The following STAC3 variants were observed in gnomAD, a reference collection of about 807,000 sequenced individuals.
STAC3 encodes the protein SH3 and cysteine rich domain 3, also known as SH3 and cysteine-rich domain-containing protein 3.
In STAC3, 30 loss-of-function variants were observed where a neutral mutation model predicts 48.5. The observed-to-expected ratio is 0.62, with a 90% CI of 0.46 to 0.84. The LOEUF (loss-of-function observed/expected upper bound fraction) is 0.84. Among genes scored for constraint, STAC3 ranks in the 40% least tolerant of loss-of-function variants. The pLI, the probability that STAC3 is intolerant of heterozygous loss-of-function variation, is 0.00. For missense variants in STAC3, 419 were observed against 462.6 expected (o/e 0.91, Z 0.86); for synonymous variants, 144 against 158.6 (o/e 0.91, Z 0.69).
chr12:57,248,428 G>C (rs572630834), intron 4 of STAC3: 56 of 572,722 alleles, frequency 9.8e-5, no homozygotes, highest in African/African-American at 9.3e-4. Flanking sequence ...ACCCAGGCTG[G>C]AGTGCAGTGG....
At chr12:57,244,503 C>G (rs201172570) in intron 9 of STAC3, 34 bp downstream of exon 9, 1 of 1,613,516 alleles carries the variant, frequency 6.2e-7, no homozygotes, top group Middle Eastern at 1.7e-4. Context: ...CTCTTCACTC[C>G]GCAGTACCAG....
intron 1 of STAC3, chr12:57,249,867 T>G: frequency 2.2e-6 from 1 of 451,850 alleles, no homozygotes. Flanking sequence ...GCGATCCCCC[T>G]ACCTCAGCTT....
At chr12:57,250,432 GAGCTTCCCAATTAGTTCCTC>G (rs2037874647) in intron 1 of STAC3, among the ~76,000 whole-genome samples, 1 of 121,812 alleles carries the variant, frequency 8.2e-6, no homozygotes, top group African/African-American at 3.1e-5. Flanking sequence ...ACAGACTAAA[GAGCTTCCCAATTAGTTCCTC>G]AAACTGATAC....
At chr12:57,245,007 G>T in intron 7 of STAC3, 42 bp from the exon 8 acceptor site, 8 of 1,611,328 alleles carry the variant, frequency 5.0e-6, no homozygotes, top group Non-Finnish European at 6.8e-6. Context: ...CTCCTGGAGG[G>T]CAATTCTTAT....
intron 1 of STAC3, among the ~76,000 whole-genome samples, chr12:57,249,939 A>G (rs1565783989): frequency 1.3e-5 from 2 of 152,134 alleles, no homozygotes; most frequent in Non-Finnish European, 2.9e-5. Flanking sequence ...TTGTAGAGAC[A>G]TGGTCTTGCT....
chr12:57,249,654 C>G lies in STAC3; in HGVS notation c.-1-17G>C. 6.2e-7 allele frequency: 1 copy of G among 1,613,510 alleles called. No individual in the cohort carries two copies. The highest frequency in any genetic ancestry group is 8.5e-7 in the Non-Finnish European group (1 of 1,179,892). On this transcript the variant is annotated splice_polypyrimidine_tract_variant and intron_variant, in intron 1 of 11. Coordinates refer to ENST00000332782, the MANE Select transcript of STAC3 (RefSeq NM_145064.3). Reference sequence around the variant, plus strand: ...TCTGTCATCCTGCAAGAGGTTGGACCCCACTATGAAATCTAATCCCTTTCA... The same window carrying G: ...TCTGTCATCCTGCAAGAGGTTGGACGCCACTATGAAATCTAATCCCTTTCA...
Position 57,251,086 on chromosome 12 carries a change from C to T in STAC3, c.-95G>A, listed in dbSNP as rs984641189. Reference sequence around the variant, plus strand: ...TGCTGGGGAAAAACTGGTCCTCTTCCTTGGGGGCTAAGCCCCCCCAGTACC... The same window carrying T: ...TGCTGGGGAAAAACTGGTCCTCTTCTTTGGGGGCTAAGCCCCCCCAGTACC... On this transcript the variant is annotated 5_prime_UTR_variant, in exon 1 of 12. Coordinates refer to ENST00000332782, the MANE Select transcript of STAC3 (RefSeq NM_145064.3). 55 of 446,492 alleles carry T rather than the reference C, an allele frequency of 1.2e-4. No individual in the cohort carries two copies. Among genetic ancestry groups the T allele is most frequent in the Non-Finnish European group, 8.1e-5 (18 of 221,634 alleles). The allele number at this position is 446,492 out of a possible 1,614,324, so 27.7% of individuals were successfully genotyped here.
intron 5 of STAC3, 86 bp from the exon 6 acceptor site, chr12:57,246,987 G>C (rs1384821623): frequency 1.6e-5 from 21 of 1,318,402 alleles, no homozygotes; most frequent in Non-Finnish European, 2.3e-5. Context: ...GGATTGAGTA[G>C]ATGGATACCC....
chr12:57,249,303 C>T lies in STAC3; in HGVS notation c.72G>A (p.Gln24=). Residue 24 remains glutamine (Q), a synonymous_variant, in exon 3 of 12, where the codon CAG becomes CAA. Coordinates refer to ENST00000332782, the MANE Select transcript of STAC3 (RefSeq NM_145064.3). ...CCTTCCTGAGTAACTGCTTTAGCCGCTGTAGCTGAGGGAGGGAGTGAAGAA... is the reference window on the plus strand; with the variant it reads ...CCTTCCTGAGTAACTGCTTTAGCCGTTGTAGCTGAGGGAGGGAGTGAAGAA... ...FPAETRQSGL[Q]RLKQLLRKGS... The T allele has an allele frequency of 6.3e-7, 1 of 1,583,404 alleles. No individual in the cohort carries two copies. The highest frequency in any genetic ancestry group is 8.6e-7 in the Non-Finnish European group (1 of 1,163,822).
At chr12:57,245,270 T>C in intron 6 of STAC3, 59 bp from the exon 7 acceptor site, 1 of 1,480,596 alleles carries the variant, frequency 6.8e-7, no homozygotes, top group Non-Finnish European at 9.4e-7. Context: ...CCTGGCTGTC[T>C]ATAATCAGGT....
At chr12:57,249,825 G>T in intron 1 of STAC3, 188 bp from the exon 2 acceptor site, 1 of 581,140 alleles carries the variant, frequency 1.7e-6, no homozygotes, top group Non-Finnish European at 3.0e-6. Context: ...GCGTGATCAT[G>T]GCTCACTGCA....
Position 57,248,137 on chromosome 12 carries a change from A to C in STAC3, c.494T>G (p.Val165Gly). Reference sequence around the variant, plus strand: ...TAAAGGGCACTTACAGAGATCTTTGACACAAGCGTACTGCTGGTTGCTGTA... The same window carrying C: ...TAAAGGGCACTTACAGAGATCTTTGCCACAAGCGTACTGCTGGTTGCTGTA... ...PLYSNQQYAC[V>G]KDLSAANRND... is the part of the protein sequence containing the mutation. The change falls in exon 5 of 12, where the codon GTC becomes GGC. Residue 165 changes from valine (V) to glycine (G), a missense_variant. Physicochemically the swap from Val to Gly is moderately radical, Grantham distance 109. Transcript: ENST00000332782. The C allele has an allele frequency of 6.2e-7, 1 of 1,613,900 alleles. No individual in the cohort carries two copies. The highest frequency in any genetic ancestry group is 8.5e-7 in the Non-Finnish European group (1 of 1,179,776).
At chr12:57,250,534 C>T (rs1165277080) in intron 1 of STAC3, among the ~76,000 whole-genome samples, 9 of 151,910 alleles carry the variant, frequency 5.9e-5, no homozygotes, top group Admixed American at 4.6e-4. Context: ...GCGTGGTTTA[C>T]GTCATTTTCC....
chr12:57,248,480 G>C (rs1351274179), intron 4 of STAC3: 29 of 575,846 alleles, frequency 5.0e-5, no homozygotes, highest in Non-Finnish European at 1.6e-5. Flanking sequence ...CCGAGTTTAC[G>C]CCATTCTCCT....
At chr12:57,250,027 G>T (rs1408598819) in intron 1 of STAC3, among the ~76,000 whole-genome samples, 6 of 152,170 alleles carry the variant, frequency 3.9e-5, no homozygotes, top group Non-Finnish European at 7.3e-5. Context: ...ACAGGCGTGA[G>T]CCACTGCACT....
intron 5 of STAC3, 92 bp from the exon 6 acceptor site, chr12:57,246,993 T>C (rs748861827): frequency 1.5e-5 from 19 of 1,267,408 alleles, no homozygotes; most frequent in Non-Finnish European, 2.2e-5. Flanking sequence ...AGTAGATGGA[T>C]ACCCATGTGT....
Position 57,243,801 on chromosome 12 carries a change from C to T in STAC3, c.*11G>A, listed in dbSNP as rs775125138. ...GGTGTGGGTGTCTCCCGCTTGCAGG[C>T]GCCCGCACGCCTAAATTTCCTCTAG... On this transcript the variant is annotated 3_prime_UTR_variant, in exon 12 of 12. Transcript: ENST00000332782. The T allele has an allele frequency of 1.3e-4, 210 of 1,612,886 alleles. No homozygotes were observed. Among genetic ancestry groups the T allele is most frequent in the Non-Finnish European group, 1.7e-4 (198 of 1,179,320 alleles).
Position 57,244,382 on chromosome 12 carries a change from A to C in STAC3, c.807-16T>G. 3 of 1,614,050 alleles carry C rather than the reference A, an allele frequency of 1.9e-6. No homozygotes were observed. Among genetic ancestry groups the C allele is most frequent in the Non-Finnish European group, 2.5e-6 (3 of 1,180,012 alleles). ...CTCTCCTGGCCTGGGAGGGGAAGGG[A>C]GGGGCCTCACTCACATAGCAGGTCC... On this transcript the variant is annotated splice_polypyrimidine_tract_variant and intron_variant, in intron 9 of 11. Transcript: ENST00000332782.
At chr12:57,249,009 T>C (rs2136835143) in intron 3 of STAC3, 32 bp downstream of exon 3, 1 of 1,568,164 alleles carries the variant, frequency 6.4e-7, no homozygotes, top group South Asian at 1.2e-5. Flanking sequence ...GCCTTCAATA[T>C]CATACTCTCT....
Sources: gnomAD v4.1 joint callset for allele counts (sites outside exome capture counted in the v4.1 genomes callset) on GRCh38, gnomAD v4.1.1 for gene constraint, MANE v1.5 for transcripts, NCBI Gene and HGNC (gene_info 2026-07-23, HGNC 2026-07-21) for gene names.